CHODL: variants seen among roughly 807,000 people sequenced by gnomAD.
CHODL encodes the protein chondrolectin.
A neutral mutation model predicts 34.5 loss-of-function variants in CHODL; 29 were observed. The ratio of observed to expected loss-of-function variants is 0.84; its 90% CI spans 0.63 to 1.15. The LOEUF (loss-of-function observed/expected upper bound fraction) is 1.15. Ranked by LOEUF, CHODL falls within the 50% of genes most tolerant of loss-of-function variation. CHODL has a pLI of 0.00. For synonymous variants in CHODL, 125 were observed against 116.1 expected (o/e 1.08, Z -0.49); for missense variants, 332 against 332.5 (o/e 1.00, Z 0.01).
In CHODL at chr21:18,093,483, G is replaced by C. The variant is rs1600993485; in HGVS notation, c.-45+65512G>C. On this transcript the variant is annotated intron_variant, in intron 2 of 6. Coordinates refer to the CHODL transcript ENST00000400127. ...GTGGTATGTAAATTTCTCTTAAGTA[G>C]AAAGAATAAATTATGAACCAATCAA... is the stretch of plus-strand genomic sequence containing the variant. 2.1e-5 allele frequency among the ~76,000 whole-genome samples: 3 copies of C among 140,046 alleles called. No homozygotes were observed. In the Middle Eastern group the frequency reaches 0.012, roughly 556 times the overall value. 91.9% of individuals were successfully genotyped at this position (140,046 alleles called of 152,430 possible). A position where few individuals can be genotyped will look rare whatever the true frequency, so the allele number is the denominator to read the frequency against.
intron 2 of CHODL, among the ~76,000 whole-genome samples, chr21:18,143,710 C>A (rs1345347241): frequency 6.6e-6 from 1 of 151,996 alleles, no homozygotes; most frequent in African/African-American, 2.4e-5. Context: ...GTGTCCAGAA[C>A]ATATTAATGC....
At chr21:18,112,183 T>C (rs770373050) in intron 2 of CHODL, among the ~76,000 whole-genome samples, 10 of 152,018 alleles carry the variant, frequency 6.6e-5, no homozygotes, top group Non-Finnish European at 1.3e-4. Flanking sequence ...GTGCAGAGGA[T>C]TGGCATGAAT....
At chr21:18,110,688 C>G (rs2065337522) in intron 2 of CHODL, among the ~76,000 whole-genome samples, 1 of 152,128 alleles carries the variant, frequency 6.6e-6, no homozygotes, top group African/African-American at 2.4e-5. Flanking sequence ...GTGGGAAAAG[C>G]ACTGCATTTG....
chr21:18,073,790 G>A (rs1250536737), intron 2 of CHODL, among the ~76,000 whole-genome samples: 1 of 151,614 alleles, frequency 6.6e-6, no homozygotes, highest in African/African-American at 2.4e-5. Flanking sequence ...GTTTATTAGT[G>A]ATTAATTATT....
At chr21:18,187,204 T>C (rs574068334) in intron 2 of CHODL, among the ~76,000 whole-genome samples, 2 of 152,332 alleles carry the variant, frequency 1.3e-5, no homozygotes, top group Non-Finnish European at 2.9e-5. Context: ...ATCTTCATTT[T>C]GAGTTTGCCA....
chr21:18,180,231 C>G (rs185891753), intron 2 of CHODL, among the ~76,000 whole-genome samples: 3 of 152,128 alleles, frequency 2.0e-5, no homozygotes, highest in African/African-American at 7.2e-5. Flanking sequence ...CGGATCACTG[C>G]AGCCTTGACC....
intron 2 of CHODL, among the ~76,000 whole-genome samples, chr21:18,182,653 A>G (rs76872395): frequency 0.018 from 2,815 of 152,350 alleles, 74 homozygotes; most frequent in African/African-American, 0.057. Context: ...GGAAAGATGT[A>G]AAAATTCTAT....
chr21:18,024,235 C>T (rs1448490376), intron 1 of CHODL, among the ~76,000 whole-genome samples: 1 of 152,118 alleles, frequency 6.6e-6, no homozygotes, highest in Non-Finnish European at 1.5e-5. Context: ...ATCCTTCTAA[C>T]CATGATAATA....
intron 1 of CHODL, among the ~76,000 whole-genome samples, chr21:17,940,336 G>A (rs1350437089): frequency 1.3e-5 from 2 of 152,124 alleles, no homozygotes; most frequent in African/African-American, 4.8e-5. Context: ...CAAATGAATT[G>A]AGCTATATTC....
intron 1 of CHODL, among the ~76,000 whole-genome samples, chr21:17,932,967 C>A (rs1042660743): frequency 5.9e-5 from 9 of 152,040 alleles, no homozygotes; most frequent in Admixed American, 1.3e-4. Context: ...AGAAGGTCAG[C>A]AGATAAACAC....
chr21:18,083,789 C>G (rs1260935042), intron 2 of CHODL, among the ~76,000 whole-genome samples: 3 of 152,166 alleles, frequency 2.0e-5, no homozygotes, highest in African/African-American at 7.2e-5. Flanking sequence ...TGCCTGTATT[C>G]CCATTGTATC....
At chr21:17,988,883 G>A (rs191430129) in intron 1 of CHODL, among the ~76,000 whole-genome samples, 3,251 of 152,102 alleles carry the variant, frequency 0.021, 76 homozygotes, top group Middle Eastern at 0.054. Context: ...CTTTATAGCA[G>A]CATGATTTAT....
At chr21:18,105,624 A>G (rs1169885773) in intron 2 of CHODL, among the ~76,000 whole-genome samples, 3 of 152,194 alleles carry the variant, frequency 2.0e-5, no homozygotes, top group Admixed American at 6.5e-5. Flanking sequence ...AAAACTGCCA[A>G]TGCCTCAAGC....
At chr21:18,111,723 C>T (rs2146562778) in intron 2 of CHODL, among the ~76,000 whole-genome samples, 1 of 152,300 alleles carries the variant, frequency 6.6e-6, no homozygotes, top group South Asian at 2.1e-4. Context: ...CTTACTTATA[C>T]TACAACTTCA....
intron 1 of CHODL, among the ~76,000 whole-genome samples, chr21:17,998,229 G>C (rs1678193886): frequency 6.6e-6 from 1 of 152,194 alleles, no homozygotes; most frequent in South Asian, 2.1e-4. Flanking sequence ...TTTGACTTCA[G>C]GTCTCACACC....
At chr21:17,927,018 A>C (rs2063229648) in intron 1 of CHODL, among the ~76,000 whole-genome samples, 1 of 151,436 alleles carries the variant, frequency 6.6e-6, no homozygotes, top group Admixed American at 6.6e-5. Flanking sequence ...ACATACACAC[A>C]TATGTGTATG....
At chr21:18,227,399 A>G (rs1460135486) in intron 2 of CHODL, among the ~76,000 whole-genome samples, 1 of 152,150 alleles carries the variant, frequency 6.6e-6, no homozygotes, top group African/African-American at 2.4e-5. Context: ...CCTTTGTCTG[A>G]TATGTACATT....
chr21:17,945,991 T>C (rs1364891122), intron 1 of CHODL, among the ~76,000 whole-genome samples: 1 of 152,156 alleles, frequency 6.6e-6, no homozygotes, highest in Non-Finnish European at 1.5e-5. Flanking sequence ...GAGTACTTTA[T>C]CCAGCAGAGC....
chr21:18,126,202 T>C (rs2065541928), intron 2 of CHODL, among the ~76,000 whole-genome samples: 1 of 152,200 alleles, frequency 6.6e-6, no homozygotes, highest in South Asian at 2.1e-4. Context: ...CCACTCTGAT[T>C]AGTCACTAGC....
Sources: allele counts gnomAD v4.1 joint callset (sites outside exome capture counted in the v4.1 genomes callset), GRCh38; gene constraint gnomAD v4.1.1; transcripts MANE v1.5; gene names NCBI Gene and HGNC (gene_info 2026-07-23, HGNC 2026-07-21).